SYT1: variants seen among roughly 807,000 people sequenced by gnomAD.
SYT1 encodes synaptotagmin-1.
SYT1 carries 8 observed loss-of-function variants against 44.8 expected under a neutral mutation model. That is an observed-to-expected ratio of 0.18 (90% CI 0.10 to 0.32). The LOEUF is 0.32. Among genes scored for constraint, SYT1 ranks in the 10% least tolerant of loss-of-function variants. The probability of loss-of-function intolerance (pLI) is 1.00; values close to 1 mark genes in which losing one functional copy is unlikely to be tolerated. For synonymous variants in SYT1, 154 were observed against 188.8 expected (o/e 0.82, Z 1.51); for missense variants, 286 against 509.3 (o/e 0.56, Z 4.22).
chr12:79,228,381 C>T (rs1875654105), intron 4 of SYT1, among the ~76,000 whole-genome samples: 1 of 152,136 alleles, frequency 6.6e-6, no homozygotes, highest in African/African-American at 2.4e-5. Context: ...TTACTAAAGT[C>T]CCCAGATACT....
At chr12:79,424,953 CT>C (rs398040025) in intron 9 of SYT1, among the ~76,000 whole-genome samples, 2,354 of 85,250 alleles carry the variant, frequency 0.028, 26 homozygotes, top group Non-Finnish European at 0.032. Flanking sequence ...TTTTCTTCTT[CT>C]TTTTTTTTTT....
intron 3 of SYT1, among the ~76,000 whole-genome samples, chr12:79,084,317 A>G (rs1341348085): frequency 1.3e-5 from 2 of 152,168 alleles, no homozygotes; most frequent in South Asian, 2.1e-4. Flanking sequence ...GAATAAAAAC[A>G]TAATTAGCAT....
chr12:79,045,017 T>C (rs1046769232), intron 2 of SYT1, among the ~76,000 whole-genome samples: 2 of 152,162 alleles, frequency 1.3e-5, no homozygotes, highest in Non-Finnish European at 2.9e-5. Context: ...ACCACTGCTC[T>C]CTTCAAAGCT....
intron 3 of SYT1, among the ~76,000 whole-genome samples, chr12:79,066,554 A>G (rs1250382813): frequency 1.3e-5 from 2 of 152,118 alleles, no homozygotes; most frequent in African/African-American, 4.8e-5. Context: ...GAGCAGAGTC[A>G]GTGAGCAGAA....
At chr12:79,353,664 C>T (rs779251260) in intron 9 of SYT1, 45 bp downstream of exon 9, 16 of 1,391,258 alleles carry the variant, frequency 1.2e-5, no homozygotes, top group East Asian at 9.1e-5. Flanking sequence ...GCTGTTTCGT[C>T]GTGGATACCA....
intron 9 of SYT1, among the ~76,000 whole-genome samples, chr12:79,358,238 T>A (rs2136017945): frequency 6.6e-6 from 1 of 152,330 alleles, no homozygotes; most frequent in South Asian, 2.1e-4. Flanking sequence ...CATGGCCGTT[T>A]AAAGAAGGAA....
chr12:79,010,025 G>GT (rs1871317602), intron 2 of SYT1, among the ~76,000 whole-genome samples: 1 of 152,144 alleles, frequency 6.6e-6, no homozygotes, highest in Non-Finnish European at 1.5e-5. Context: ...ATACTGCTAT[G>GT]TGAGTCTGAG....
In SYT1 at chr12:79,265,012, T is replaced by C. The variant is rs887053880; in HGVS notation, c.167-20775T>C. ...GACGGTTGTATTATACATGTAAAAT[T>C]GCTTGTATTTCATCTTTTATCTAGA... On this transcript the variant is annotated intron_variant, in intron 4 of 10. Coordinates refer to ENST00000261205, the MANE Select transcript of SYT1 (RefSeq NM_005639.3). Among the ~76,000 whole-genome samples, 7 of 152,302 alleles carry C rather than the reference T, an allele frequency of 4.6e-5. No homozygotes were observed. The East Asian group carries it at 9.6e-4, about 21-fold the overall frequency.
intron 1 of SYT1, among the ~76,000 whole-genome samples, chr12:78,951,102 ATAGTCAAG>A (rs1878941010): frequency 6.6e-6 from 1 of 152,128 alleles, no homozygotes; most frequent in Admixed American, 6.6e-5. Flanking sequence ...CTCCAGAGTG[ATAGTCAAG>A]TCCAAACTCT....
intron 9 of SYT1, among the ~76,000 whole-genome samples, chr12:79,434,045 A>G (rs533410454): frequency 6.6e-6 from 1 of 152,210 alleles, no homozygotes; most frequent in South Asian, 2.1e-4. Context: ...GTTGGAATTC[A>G]ATGGTTTCCC....
intron 9 of SYT1, among the ~76,000 whole-genome samples, chr12:79,369,601 A>G (rs1018777067): frequency 6.6e-6 from 1 of 152,248 alleles, no homozygotes; most frequent in African/African-American, 2.4e-5. Flanking sequence ...GATTCAATAC[A>G]ATAGAATTGA....
chr12:79,184,725 C>T (rs1241223250), intron 3 of SYT1, among the ~76,000 whole-genome samples: 3 of 152,020 alleles, frequency 2.0e-5, no homozygotes, highest in African/African-American at 7.2e-5. Context: ...TCTTATGTTT[C>T]AGCTCTTTCC....
At chr12:78,928,235 T>G (rs1877413358) in intron 1 of SYT1, among the ~76,000 whole-genome samples, 1 of 152,172 alleles carries the variant, frequency 6.6e-6, no homozygotes, top group Admixed American at 6.6e-5. Context: ...CCCCTAGTGA[T>G]GCCTGGAACT....
intron 3 of SYT1, among the ~76,000 whole-genome samples, chr12:79,100,190 A>C (rs1284078787): frequency 1.3e-5 from 2 of 152,120 alleles, no homozygotes; most frequent in Non-Finnish European, 2.9e-5. Flanking sequence ...TTGAGTACTC[A>C]CAGCAACTGT....
intron 3 of SYT1, among the ~76,000 whole-genome samples, chr12:79,150,950 T>C (rs1853149834): frequency 6.6e-6 from 1 of 150,968 alleles, no homozygotes; most frequent in Admixed American, 6.6e-5. Flanking sequence ...AAAAGGAAAA[T>C]AAAGGGGAGC....
chr12:79,182,237 A>G (rs140941044), intron 3 of SYT1, among the ~76,000 whole-genome samples: 1 of 152,198 alleles, frequency 6.6e-6, no homozygotes, highest in African/African-American at 2.4e-5. Context: ...ATAGTCTTTT[A>G]CTGGTCTTCA....
intron 3 of SYT1, among the ~76,000 whole-genome samples, chr12:79,214,958 T>C (rs974085634): frequency 1.3e-4 from 19 of 151,766 alleles, no homozygotes; most frequent in African/African-American, 4.6e-4. Flanking sequence ...TGTGTGTGTG[T>C]GTGTGTGTGT....
At chr12:78,952,673 CT>C (rs1276874600) in intron 1 of SYT1, among the ~76,000 whole-genome samples, 3 of 152,086 alleles carry the variant, frequency 2.0e-5, no homozygotes, top group Non-Finnish European at 4.4e-5. Context: ...CTACATTCCC[CT>C]ATGTTCTTCT....
At position 79,027,599 on chromosome 12, in the gene SYT1, C is replaced by T. The variant is rs186164870; in HGVS notation, c.-83-19698C>T. 5.0e-3 allele frequency among the ~76,000 whole-genome samples: 753 copies of T among 151,414 alleles called. 10 individuals are homozygous for T. Among genetic ancestry groups the T allele is most frequent in the African/African-American group, 0.017 (713 of 41,374 alleles). ...TAAATGCATTGGGCAGGTTGAAACTCGAAAGCTTTTAGGCATGTGACAACC... is the reference window on the plus strand; with the variant it reads ...TAAATGCATTGGGCAGGTTGAAACTTGAAAGCTTTTAGGCATGTGACAACC... On this transcript the variant is annotated intron_variant, in intron 2 of 10. Transcript: ENST00000261205.
Sources: allele counts gnomAD v4.1 joint callset (sites outside exome capture counted in the v4.1 genomes callset), GRCh38; gene constraint gnomAD v4.1.1; transcripts MANE v1.5; gene names NCBI Gene and HGNC (gene_info 2026-07-23, HGNC 2026-07-21).